TMEM178B: variants seen among roughly 807,000 people sequenced by gnomAD.
TMEM178B encodes the protein transmembrane protein 178B.
In TMEM178B, 5 loss-of-function variants were observed where a neutral mutation model predicts 31.0. That is an observed-to-expected ratio of 0.16 (90% confidence interval 0.08 to 0.34). TMEM178B has a LOEUF of 0.34. Among genes scored for constraint, TMEM178B ranks in the 10% least tolerant of loss-of-function variants. The pLI is 1.00. For synonymous variants in TMEM178B, 164 were observed against 164.0 expected, an observed-to-expected ratio of 1.00 and a Z score of 0.00; for missense variants, 275 against 400.3, an observed-to-expected ratio of 0.69 and a Z score of 2.67.
At chr7:141,114,871 G>T (rs886330021) in intron 1 of TMEM178B, among the ~76,000 whole-genome samples, 4 of 152,338 alleles carry the variant, frequency 2.6e-5, no homozygotes, top group African/African-American at 4.8e-5. Flanking sequence ...TTGGAAAATG[G>T]TGTGGAACAC....
chr7:141,413,894 A>G (rs1268219216), intron 2 of TMEM178B, among the ~76,000 whole-genome samples: 1 of 152,232 alleles, frequency 6.6e-6, no homozygotes, highest in African/African-American at 2.4e-5. Flanking sequence ...GAATAAAAAA[A>G]ATCATTGAAA....
intron 2 of TMEM178B, among the ~76,000 whole-genome samples, chr7:141,221,017 G>A (rs886141212): frequency 6.6e-6 from 1 of 152,196 alleles, no homozygotes; most frequent in Non-Finnish European, 1.5e-5. Context: ...CCTAGAGAGT[G>A]CAGGCTAATG....
At chr7:141,394,927 T>C (rs1007032982) in intron 2 of TMEM178B, among the ~76,000 whole-genome samples, 1 of 152,214 alleles carries the variant, frequency 6.6e-6, no homozygotes, top group African/African-American at 2.4e-5. Flanking sequence ...TTCTATGTTT[T>C]AACTATGTGT....
chr7:141,411,521 G>A (rs1375611469), intron 2 of TMEM178B, among the ~76,000 whole-genome samples: 3 of 152,144 alleles, frequency 2.0e-5, no homozygotes, highest in Admixed American at 6.5e-5. Context: ...ACCAAAAAAT[G>A]TAAAAATAAC....
At chr7:141,358,154 T>C (rs1488799283) in intron 2 of TMEM178B, among the ~76,000 whole-genome samples, 1 of 152,218 alleles carries the variant, frequency 6.6e-6, no homozygotes, top group Non-Finnish European at 1.5e-5. Context: ...ATTAATATTT[T>C]ATTGAGCTTG....
chr7:141,081,579 T>C (rs1794686080), intron 1 of TMEM178B, among the ~76,000 whole-genome samples: 1 of 151,598 alleles, frequency 6.6e-6, no homozygotes, highest in South Asian at 2.1e-4. Context: ...GAGGTTGTAG[T>C]GAGCTGAGAT....
At chr7:141,490,667 G>A in the TMEM178B span, among the ~76,000 whole-genome samples, 1 of 152,150 alleles carries the variant, frequency 6.6e-6, no homozygotes, top group Non-Finnish European at 1.5e-5. Flanking sequence ...GCACAGTGTG[G>A]AATCTCCTTC....
intron 3 of TMEM178B, among the ~76,000 whole-genome samples, chr7:141,455,348 G>T (rs2116710249): frequency 6.6e-6 from 1 of 152,256 alleles, no homozygotes; most frequent in Non-Finnish European, 1.5e-5. Context: ...GGCCACATTG[G>T]ATAATGATAA....
At chr7:141,286,365 G>A (rs763250298) in intron 2 of TMEM178B, among the ~76,000 whole-genome samples, 12 of 152,146 alleles carry the variant, frequency 7.9e-5, no homozygotes, top group Non-Finnish European at 1.5e-4. Flanking sequence ...TAGGTATAGA[G>A]CCAGGACCTC....
intron 1 of TMEM178B, among the ~76,000 whole-genome samples, chr7:141,191,868 G>A (rs2129185049): frequency 6.6e-6 from 1 of 151,908 alleles, no homozygotes; most frequent in South Asian, 2.1e-4. Flanking sequence ...TTTCTTTTTT[G>A]GATTTTGGGT....
At chr7:141,417,384 C>T (rs570788951) in intron 2 of TMEM178B, among the ~76,000 whole-genome samples, 10 of 150,334 alleles carry the variant, frequency 6.7e-5, no homozygotes, top group South Asian at 4.2e-4. Flanking sequence ...TCTGGACCAG[C>T]GGCCTTCTCA....
At chr7:141,295,095 A>T (rs939489259) in intron 2 of TMEM178B, among the ~76,000 whole-genome samples, 2 of 152,220 alleles carry the variant, frequency 1.3e-5, no homozygotes, top group Non-Finnish European at 2.9e-5. Flanking sequence ...GGGGTCTCCC[A>T]TGGCCAGAGC....
At chr7:141,482,921 GC>G (rs1284567098), downstream of TMEM178B, among the ~76,000 whole-genome samples, 1 of 148,670 alleles carries the variant, frequency 6.7e-6, no homozygotes. Flanking sequence ...TTTGCGGGGG[GC>G]GGTGGGGGGG....
intron 1 of TMEM178B, among the ~76,000 whole-genome samples, chr7:141,087,079 C>G (rs137913138): frequency 1.3e-5 from 2 of 152,038 alleles, no homozygotes; most frequent in South Asian, 4.1e-4. Flanking sequence ...GTGACTGTTA[C>G]AATTCTGATA....
chr7:141,354,698 T>A (rs191246750), intron 2 of TMEM178B, among the ~76,000 whole-genome samples: 3 of 152,336 alleles, frequency 2.0e-5, no homozygotes, highest in African/African-American at 7.2e-5. Flanking sequence ...CATCTTTATG[T>A]CCCACACTCT....
At chr7:141,275,870 A>G (rs1798258322) in intron 2 of TMEM178B, among the ~76,000 whole-genome samples, 1 of 152,232 alleles carries the variant, frequency 6.6e-6, no homozygotes, top group African/African-American at 2.4e-5. Flanking sequence ...GCTGCAGAGA[A>G]CAATGATTTG....
chr7:141,321,994 T>TTC (rs3035808), intron 2 of TMEM178B, among the ~76,000 whole-genome samples: 50,198 of 151,646 alleles, frequency 0.33, 10,654 homozygotes, highest in African/African-American at 0.6. Context: ...GAGCTCCTCG[T>TTC]TCTGTTTTGT....
At chr7:141,186,776 A>G (rs1796616092) in intron 1 of TMEM178B, among the ~76,000 whole-genome samples, 1 of 152,062 alleles carries the variant, frequency 6.6e-6, no homozygotes, top group Admixed American at 6.5e-5. Context: ...GAGTAGCCCC[A>G]CCAGTGGCTA....
At chr7:141,330,183 G>A (rs1799273788) in intron 2 of TMEM178B, among the ~76,000 whole-genome samples, 1 of 152,132 alleles carries the variant, frequency 6.6e-6, no homozygotes, top group Non-Finnish European at 1.5e-5. Flanking sequence ...AGGTAAACAT[G>A]TTCTATGATG....
Sources: gnomAD v4.1 joint callset for allele counts (sites outside exome capture counted in the v4.1 genomes callset) on GRCh38, gnomAD v4.1.1 for gene constraint, MANE v1.5 for transcripts, NCBI Gene and HGNC (gene_info 2026-07-23, HGNC 2026-07-21) for gene names.